The following STAG1 variants were observed in gnomAD, a reference collection of about 807,000 sequenced individuals.
STAG1 encodes the protein cohesin subunit SA-1.
A neutral mutation model predicts 170.9 loss-of-function variants in STAG1; 26 were observed. That is an observed-to-expected ratio of 0.15 (90% CI 0.11 to 0.21). The LOEUF (loss-of-function observed/expected upper bound fraction) is 0.21, where lower values mean the gene tolerates loss of function less well. STAG1 is among the 10% of genes least tolerant of loss of function. The pLI, the probability that STAG1 is intolerant of heterozygous loss-of-function variation, is 1.00. For missense variants in STAG1, 964 were observed against 1,509.5 expected (o/e 0.64, Z 5.99); for synonymous variants, 514 against 497.7 (o/e 1.03, Z -0.44).
At chr3:136,623,987 C>T (rs1223527386) in intron 2 of STAG1, among the ~76,000 whole-genome samples, 1 of 152,046 alleles carries the variant, frequency 6.6e-6, no homozygotes. Context: ...ATAAAGGATA[C>T]TTAGCATATA....
intron 1 of STAG1, among the ~76,000 whole-genome samples, chr3:136,657,485 C>G (rs1941427052): frequency 6.6e-6 from 1 of 152,150 alleles, no homozygotes; most frequent in African/African-American, 2.4e-5. Flanking sequence ...CCACCACACC[C>G]AGCCATCCTA....
Position 136,459,220 on chromosome 3 carries a change from GA to G in STAG1, c.1313+5660del, listed in dbSNP as rs769155825. 7.8e-3 allele frequency among the ~76,000 whole-genome samples: 716 copies of G among 91,688 alleles called. 5 individuals carry two copies. Among genetic ancestry groups the G allele is most frequent in the African/African-American group, 0.015 (414 of 27,882 alleles). 60.2% of individuals were successfully genotyped at this position (91,688 alleles called of 152,430 possible). A position where few individuals can be genotyped will look rare whatever the true frequency, so the allele number is the denominator to read the frequency against. Reference sequence around the variant, plus strand: ...CGACAGAGCGAGACTCTGTCTTAAAGAAAAAAAAAAAAAAAAGAAAAGAAAA... The same window carrying G: ...CGACAGAGCGAGACTCTGTCTTAAAGAAAAAAAAAAAAAAAGAAAAGAAAA... On this transcript the variant is annotated intron_variant, in intron 13 of 33. Coordinates refer to ENST00000383202, the MANE Select transcript of STAG1 (RefSeq NM_005862.3).
chr3:136,463,752 T>TGC, intron 13 of STAG1, among the ~76,000 whole-genome samples: 1 of 83,054 alleles, frequency 1.2e-5, no homozygotes, highest in Non-Finnish European at 2.5e-5. Flanking sequence ...TGTGTGTGTG[T>TGC]GTGTGTGTGT....
intron 5 of STAG1, among the ~76,000 whole-genome samples, chr3:136,542,685 A>G (rs1271703502): frequency 1.3e-5 from 2 of 148,262 alleles, no homozygotes; most frequent in African/African-American, 2.4e-5. Flanking sequence ...AAAAAAAAAA[A>G]GGAAAGAAAG....
At chr3:136,503,767 C>T (rs1293983478) in intron 7 of STAG1, among the ~76,000 whole-genome samples, 1 of 151,854 alleles carries the variant, frequency 6.6e-6, no homozygotes, top group East Asian at 1.9e-4. Context: ...TGGAGTTTCG[C>T]TCTTGTTGCC....
chr3:136,565,643 AATT>A (rs1359286126), intron 5 of STAG1, among the ~76,000 whole-genome samples: 2 of 152,216 alleles, frequency 1.3e-5, no homozygotes, highest in Non-Finnish European at 2.9e-5. Flanking sequence ...GTTTAAATGG[AATT>A]ATTATACGAC....
chr3:136,749,730 A>C (rs1935129700), intron 1 of STAG1, among the ~76,000 whole-genome samples: 1 of 147,618 alleles, frequency 6.8e-6, no homozygotes, highest in South Asian at 2.3e-4. Flanking sequence ...TGGTGACAGA[A>C]TGAGACTCCA....
chr3:136,419,621 GTGT>G (rs1160036594), intron 20 of STAG1, among the ~76,000 whole-genome samples: 2 of 106,836 alleles, frequency 1.9e-5, no homozygotes, highest in South Asian at 4.0e-4. Context: ...ATTTTTGTGT[GTGT>G]TTTTTTTTTT....
chr3:136,491,828 A>AT (rs1326390817), intron 9 of STAG1, among the ~76,000 whole-genome samples: 11 of 152,066 alleles, frequency 7.2e-5, no homozygotes, highest in Admixed American at 1.3e-4. Flanking sequence ...CCCTGTCTCT[A>AT]TTAAAAATAC....
chr3:136,533,105 A>C (rs1935458122), intron 6 of STAG1, among the ~76,000 whole-genome samples: 1 of 152,200 alleles, frequency 6.6e-6, no homozygotes. Flanking sequence ...ATTGGTTTCT[A>C]TATACCATTA....
At chr3:136,456,689 G>C (rs2089122056) in intron 13 of STAG1, among the ~76,000 whole-genome samples, 1 of 152,050 alleles carries the variant, frequency 6.6e-6, no homozygotes, top group Middle Eastern at 3.2e-3. Context: ...ACCCAAAGAG[G>C]AATTTCCCAA....
intron 25 of STAG1, among the ~76,000 whole-genome samples, chr3:136,366,735 C>G (rs1937087480): frequency 6.6e-6 from 1 of 152,006 alleles, no homozygotes; most frequent in South Asian, 2.1e-4. Flanking sequence ...AAAGTATGTT[C>G]TTTCATATAA....
intron 7 of STAG1, among the ~76,000 whole-genome samples, chr3:136,513,221 G>C (rs191165403): frequency 1.3e-5 from 2 of 152,116 alleles, no homozygotes; most frequent in East Asian, 3.9e-4. Flanking sequence ...CAGGCATGGT[G>C]GCACATGCCT....
intron 10 of STAG1, 105 bp downstream of exon 10, chr3:136,477,184 C>T (rs2089774408): frequency 7.8e-7 from 1 of 1,274,004 alleles, no homozygotes; most frequent in Non-Finnish European, 1.1e-6. Context: ...AAAATTTCCA[C>T]ATGATTACAA....
chr3:136,418,823 T>C lies in STAG1; in HGVS notation c.2109-851A>G, dbSNP rs150063085. On this transcript the variant is annotated intron_variant, in intron 20 of 33. Coordinates refer to ENST00000383202, the MANE Select transcript of STAG1 (RefSeq NM_005862.3). ...CACCTGGCTGATTTTTGTATTTTTGTAGACATGGGGTTTCACTATGTTGGC... is the reference window on the plus strand; with the variant it reads ...CACCTGGCTGATTTTTGTATTTTTGCAGACATGGGGTTTCACTATGTTGGC... Among the ~76,000 whole-genome samples the C allele has an allele frequency of 1.8e-4, 27 of 152,164 alleles. No homozygotes were observed. The East Asian group carries it at 2.7e-3, about 15-fold the overall frequency.
At chr3:136,600,784 G>C (rs1194742360) in intron 4 of STAG1, among the ~76,000 whole-genome samples, 1 of 151,882 alleles carries the variant, frequency 6.6e-6, no homozygotes, top group Non-Finnish European at 1.5e-5. Context: ...CTGCCCGCCT[G>C]GGCCTCCCAA....
intron 1 of STAG1, among the ~76,000 whole-genome samples, chr3:136,656,482 A>G (rs1210330047): frequency 6.6e-6 from 1 of 151,942 alleles, no homozygotes; most frequent in Non-Finnish European, 1.5e-5. Context: ...CGGTGGGGGT[A>G]GAAACGGTGG....
chr3:136,730,348 A>G (rs948829612), intron 1 of STAG1, among the ~76,000 whole-genome samples: 8 of 152,198 alleles, frequency 5.3e-5, no homozygotes, highest in African/African-American at 1.9e-4. Flanking sequence ...TTTGCCATCC[A>G]AATTCAAGAA....
intron 4 of STAG1, among the ~76,000 whole-genome samples, chr3:136,593,948 G>C (rs912847771): frequency 1.3e-5 from 2 of 152,084 alleles, no homozygotes; most frequent in African/African-American, 4.8e-5. Context: ...AATAGTATAT[G>C]TGTCCTCTCA....
Sources: gnomAD v4.1 joint callset for allele counts (sites outside exome capture counted in the v4.1 genomes callset) on GRCh38, gnomAD v4.1.1 for gene constraint, MANE v1.5 for transcripts, NCBI Gene and HGNC (gene_info 2026-07-23, HGNC 2026-07-21) for gene names.